The following PON3 variants were observed in gnomAD, a reference collection of about 807,000 sequenced individuals.
PON3 encodes the protein paraoxonase 3.
PON3 carries 37 observed loss-of-function variants against 36.3 expected under a neutral mutation model. The observed-to-expected ratio is 1.02, with a 90% CI of 0.78 to 1.34. The LOEUF (loss-of-function observed/expected upper bound fraction) is 1.34, where lower values mean the gene tolerates loss of function less well. Ranked by LOEUF, PON3 falls within the 40% of genes most tolerant of loss-of-function variation. The pLI is 0.00. For missense variants in PON3, 415 were observed against 426.5 expected, an observed-to-expected ratio of 0.97 and a Z score of 0.24; for synonymous variants, 155 against 154.8, an observed-to-expected ratio of 1.00 and a Z score of -0.01.
intron 3 of PON3, among the ~76,000 whole-genome samples, chr7:95,383,811 T>C (rs1217074559): frequency 1.3e-5 from 2 of 152,200 alleles, no homozygotes; most frequent in African/African-American, 4.8e-5. Flanking sequence ...GCCATCCCCA[T>C]CAAGCTATCA....
chr7:95,381,899 A>G lies in PON3; in HGVS notation c.201+8255T>C, dbSNP rs565979426. On this transcript the variant is annotated intron_variant, in intron 3 of 8. Transcript: ENST00000265627. ...CTCCACCCAAATTAACACACTATAC[A>G]TTCTTCTCAGCACCACATTGCACTT... is the stretch of plus-strand genomic sequence containing the variant. 2.0e-5 allele frequency among the ~76,000 whole-genome samples: 3 copies of G among 152,352 alleles called. 1 individual carries two copies. The highest frequency in any genetic ancestry group is 7.2e-5 in the African/African-American group (3 of 41,590).
At position 95,367,490 on chromosome 7, in the gene PON3, T is replaced by C. The variant is rs777905773; in HGVS notation, c.368-2A>G. On this transcript the variant is annotated splice_acceptor_variant, in intron 4 of 8. Coordinates refer to ENST00000265627, the MANE Select transcript of PON3 (RefSeq NM_000940.3). LOFTEE classifies it high-confidence loss of function. ...CAACATAAAGATACACAGTATTGTCTACATGGAAAAAAGGGATAATTTCCA... is the reference window on the plus strand; with the variant it reads ...CAACATAAAGATACACAGTATTGTCCACATGGAAAAAAGGGATAATTTCCA... The C allele has an allele frequency of 6.2e-6, 10 of 1,612,744 alleles. No homozygotes were observed. Among genetic ancestry groups the C allele is most frequent in the Non-Finnish European group, 8.5e-6 (10 of 1,179,238 alleles).
At chr7:95,375,669 A>G (rs909667732) in intron 3 of PON3, among the ~76,000 whole-genome samples, 2 of 152,248 alleles carry the variant, frequency 1.3e-5, no homozygotes, top group Non-Finnish European at 2.9e-5. Flanking sequence ...TGATAGATAG[A>G]TAAGGGCAGG....
At chr7:95,376,813 C>T (rs553049238) in intron 3 of PON3, among the ~76,000 whole-genome samples, 5 of 152,074 alleles carry the variant, frequency 3.3e-5, no homozygotes, top group Non-Finnish European at 7.4e-5. Context: ...CTCCGGCCTG[C>T]GGCTCCCAGT....
intron 3 of PON3, among the ~76,000 whole-genome samples, chr7:95,377,357 G>C (rs1808943421): frequency 6.6e-6 from 1 of 152,198 alleles, no homozygotes; most frequent in African/African-American, 2.4e-5. Flanking sequence ...CAGAACAAAA[G>C]GCGGCAGACA....
rs1222924890 is a variant in PON3 at position 95,396,360 on chromosome 7, G to A, written c.-10C>T. 6.2e-7 allele frequency: 1 copy of A among 1,613,502 alleles called. No individual in the cohort carries two copies. Among genetic ancestry groups the A allele is most frequent in the Non-Finnish European group, 8.5e-7 (1 of 1,179,774 alleles). On this transcript the variant is annotated 5_prime_UTR_variant, in exon 1 of 9. Coordinates refer to ENST00000265627, the MANE Select transcript of PON3 (RefSeq NM_000940.3). Reference sequence around the variant, plus strand: ...CCACGAGCTTCCCCATGGTCTCGGGGTGCCCAGCGGCGACTGCGCGGCGCC... The same window carrying A: ...CCACGAGCTTCCCCATGGTCTCGGGATGCCCAGCGGCGACTGCGCGGCGCC...
chr7:95,394,791 T>C (rs1809393569), intron 1 of PON3, 77 bp from the exon 2 acceptor site: 2 of 1,150,832 alleles, frequency 1.7e-6, no homozygotes, highest in African/African-American at 3.0e-5. Flanking sequence ...ACTTCAATCA[T>C]CTTCGTGTTG....
At chr7:95,365,774 T>G (rs1269388167) in intron 5 of PON3, 1 of 152,160 alleles carries the variant, frequency 6.6e-6, no homozygotes, top group Non-Finnish European at 1.5e-5. Context: ...CCTTGCCTCT[T>G]CCAGCAAGGC....
Position 95,362,621 on chromosome 7 carries a change from A to G in PON3, c.778-131T>C, listed in dbSNP as rs150582457. 1.2e-3 allele frequency: 1,790 copies of G among 1,450,826 alleles called. 16 individuals carry two copies. The African/African-American group carries it at 0.022, about 18-fold the overall frequency. The allele number at this position is 1,450,826 out of a possible 1,614,324, so 89.9% of individuals were successfully genotyped here. ...TGTTTTTAGGGGGCTTTGCTTCTGTATTTTAGAAACGCATGCATAATCTCA... is the reference window on the plus strand; with the variant it reads ...TGTTTTTAGGGGGCTTTGCTTCTGTGTTTTAGAAACGCATGCATAATCTCA... On this transcript the variant is annotated intron_variant, in intron 7 of 8. Coordinates refer to ENST00000265627, the MANE Select transcript of PON3 (RefSeq NM_000940.3).
intron 3 of PON3, among the ~76,000 whole-genome samples, chr7:95,381,031 G>C (rs1366632277): frequency 1.3e-5 from 2 of 152,196 alleles, no homozygotes; most frequent in African/African-American, 4.8e-5. Context: ...AGCCAGAAGA[G>C]GGTGGGGGCC....
intron 5 of PON3, chr7:95,364,447 G>A (rs974368792): frequency 6.8e-6 from 2 of 294,738 alleles, no homozygotes; most frequent in African/African-American, 2.2e-5. Context: ...CTTGCAGTTA[G>A]GCACAGCCAT....
At chr7:95,367,798 T>C (rs910803377) in intron 4 of PON3, among the ~76,000 whole-genome samples, 2 of 152,226 alleles carry the variant, frequency 1.3e-5, no homozygotes, top group African/African-American at 4.8e-5. Context: ...ACTATAATGA[T>C]GCATAAACAG....
intron 3 of PON3, among the ~76,000 whole-genome samples, chr7:95,373,041 C>G (rs1426428785): frequency 6.6e-6 from 1 of 152,090 alleles, no homozygotes; most frequent in African/African-American, 2.4e-5. Context: ...ATGCATGAAG[C>G]CTTTGCTGCA....
rs140118823 is a variant in PON3, at chr7:95,364,417, G to A, written c.495-354C>T. 3.9e-3 allele frequency: 1,290 copies of A among 330,460 alleles called. 7 individuals carry two copies. The highest frequency in any genetic ancestry group is 5.4e-3 in the Non-Finnish European group (935 of 173,570). The allele number at this position is 330,460 out of a possible 1,614,324, so 20.5% of individuals were successfully genotyped here. ...GATAGCTATGGTTATCCTCCTTCAGGAATTACACTTCCCCATCCCCTTGCA... is the reference window on the plus strand; with the variant it reads ...GATAGCTATGGTTATCCTCCTTCAGAAATTACACTTCCCCATCCCCTTGCA... On this transcript the variant is annotated intron_variant, in intron 5 of 8. Transcript: ENST00000265627.
intron 3 of PON3, among the ~76,000 whole-genome samples, chr7:95,385,730 T>C (rs2116414724): frequency 6.6e-6 from 1 of 152,298 alleles, no homozygotes; most frequent in East Asian, 1.9e-4. Context: ...CAGACCACAG[T>C]GCAATCAAAT....
chr7:95,386,263 G>A (rs1244563938), intron 3 of PON3, among the ~76,000 whole-genome samples: 2 of 151,732 alleles, frequency 1.3e-5, no homozygotes, highest in Non-Finnish European at 2.9e-5. Flanking sequence ...AATGAGAGAC[G>A]AATCAAATAG....
At position 95,394,709 on chromosome 7, in the gene PON3, C is replaced by A; in HGVS notation, c.80G>T (p.Arg27Met). ...CTCCACTTCTCGAGAGGCATTCACC[C>A]TTTCTCTGTAGAAGATAAAACCCAA... ...VGEMFLAFRE[R>M]VNASREVEPV... is the part of the protein sequence containing the mutation. Residue 27 changes from arginine (R) to methionine (M), a missense_variant, in exon 2 of 9, where the codon AGG becomes ATG. Arg to Met is a moderately conservative substitution (Grantham distance 91). Transcript: ENST00000265627. The A allele has an allele frequency of 6.2e-7, 1 of 1,614,034 alleles. No individual in the cohort carries two copies.
chr7:95,370,973 C>G lies in PON3; in HGVS notation c.367+1200G>C, dbSNP rs150127938. ...CTGTCATTCCTCCTTCCCCACTCCC[C>G]TGGCTCCTGCCAACAATTTTTCTGT... On this transcript the variant is annotated intron_variant, in intron 4 of 8. Coordinates refer to ENST00000265627, the MANE Select transcript of PON3 (RefSeq NM_000940.3). Among the ~76,000 whole-genome samples, 77 of 152,344 alleles carry G rather than the reference C, an allele frequency of 5.1e-4. No individual in the cohort carries two copies. In the East Asian group the frequency reaches 0.013, roughly 26 times the overall value.
At chr7:95,391,446 C>A (rs764179679) in intron 2 of PON3, among the ~76,000 whole-genome samples, 108 of 152,084 alleles carry the variant, frequency 7.1e-4, no homozygotes, top group Admixed American at 4.5e-3. Flanking sequence ...AATCCTTGAC[C>A]CTCAAAAGCC....
Sources: allele counts gnomAD v4.1 joint callset (sites outside exome capture counted in the v4.1 genomes callset), GRCh38; gene constraint gnomAD v4.1.1; transcripts MANE v1.5; gene names NCBI Gene and HGNC (gene_info 2026-07-23, HGNC 2026-07-21).